EXOC4: variants seen among roughly 807,000 people sequenced by gnomAD.
EXOC4 encodes the protein exocyst complex component 4.
A neutral mutation model predicts 107.2 loss-of-function variants in EXOC4; 71 were observed. That is an observed-to-expected ratio of 0.66 (90% CI 0.55 to 0.81). EXOC4 has a LOEUF of 0.81. Among genes scored for constraint, EXOC4 ranks in the 30% least tolerant of loss-of-function variants. EXOC4 has a pLI of 0.00. For synonymous variants in EXOC4, 456 were observed against 441.2 expected (o/e 1.03, Z -0.42); for missense variants, 1,108 against 1,189.6 (o/e 0.93, Z 1.01).
chr7:133,606,344 C>T (rs1801945109), intron 9 of EXOC4, among the ~76,000 whole-genome samples: 1 of 151,906 alleles, frequency 6.6e-6, no homozygotes, highest in South Asian at 2.1e-4. Context: ...TCTCTGTTTC[C>T]TTCCAGTGTG....
intron 9 of EXOC4, among the ~76,000 whole-genome samples, chr7:133,527,229 C>A (rs529715047): frequency 6.6e-6 from 1 of 151,956 alleles, no homozygotes; most frequent in South Asian, 2.1e-4. Flanking sequence ...CATGGTGAAA[C>A]CCTGTCTCTA....
At chr7:133,415,980 A>T (rs1174979315) in intron 7 of EXOC4, among the ~76,000 whole-genome samples, 3 of 152,160 alleles carry the variant, frequency 2.0e-5, no homozygotes, top group Non-Finnish European at 2.9e-5. Context: ...ATTAGTACAG[A>T]TACTAAGGAA....
At chr7:133,501,891 G>GT (rs1372291073) in intron 9 of EXOC4, among the ~76,000 whole-genome samples, 1 of 152,126 alleles carries the variant, frequency 6.6e-6, no homozygotes, top group Non-Finnish European at 1.5e-5. Flanking sequence ...CTCTGCGTGT[G>GT]TTTTTTCTGG....
At chr7:134,056,126 T>G (rs1795916279) in intron 17 of EXOC4, among the ~76,000 whole-genome samples, 1 of 152,224 alleles carries the variant, frequency 6.6e-6, no homozygotes, top group African/African-American at 2.4e-5. Context: ...TGTAGCTTTG[T>G]GGTCACTAAA....
intron 9 of EXOC4, among the ~76,000 whole-genome samples, chr7:133,611,035 C>G (rs553090261): frequency 6.8e-6 from 1 of 148,030 alleles, no homozygotes; most frequent in South Asian, 2.1e-4. Flanking sequence ...AACTCCCGGG[C>G]TCAAATGATC....
chr7:133,682,646 C>T (rs1193617820), intron 10 of EXOC4, among the ~76,000 whole-genome samples: 1 of 152,160 alleles, frequency 6.6e-6, no homozygotes, highest in Non-Finnish European at 1.5e-5. Flanking sequence ...CTCAGATAAG[C>T]GTGGATGGCA....
chr7:133,823,865 A>AT (rs1563014745), intron 11 of EXOC4, among the ~76,000 whole-genome samples: 13 of 14,888 alleles, frequency 8.7e-4, no homozygotes, highest in Admixed American at 1.3e-3. Flanking sequence ...ATATATATAT[A>AT]TATATATTAT....
intron 10 of EXOC4, among the ~76,000 whole-genome samples, chr7:133,715,804 T>G (rs1035120845): frequency 6.6e-6 from 1 of 152,140 alleles, no homozygotes; most frequent in Non-Finnish European, 1.5e-5. Flanking sequence ...AGGGTACCAG[T>G]GCCCTTTCAC....
chr7:133,480,290 C>A, intron 9 of EXOC4, 152 bp downstream of exon 9: 1 of 1,467,378 alleles, frequency 6.8e-7, no homozygotes, highest in Non-Finnish European at 9.0e-7. Context: ...TTCCCAGCAT[C>A]TGCTGCCAAG....
intron 10 of EXOC4, among the ~76,000 whole-genome samples, chr7:133,769,172 A>G (rs998705707): frequency 6.6e-6 from 1 of 152,044 alleles, no homozygotes; most frequent in African/African-American, 2.4e-5. Flanking sequence ...GTCATTTACA[A>G]ATAAGTTGGT....
chr7:133,917,474 A>C, intron 12 of EXOC4, 109 bp from the exon 13 acceptor site: 1 of 1,067,552 alleles, frequency 9.4e-7, no homozygotes, highest in African/African-American at 1.6e-5. Context: ...ATTATGTTCA[A>C]AGGAGAGATG....
intron 1 of EXOC4, among the ~76,000 whole-genome samples, chr7:133,262,083 C>A (rs1285948763): frequency 6.6e-6 from 1 of 152,090 alleles, no homozygotes; most frequent in African/African-American, 2.4e-5. Context: ...CTTTGTTAGT[C>A]CCTGTTGTTT....
intron 9 of EXOC4, among the ~76,000 whole-genome samples, chr7:133,538,841 A>C (rs1028357218): frequency 3.2e-5 from 3 of 94,524 alleles, no homozygotes; most frequent in Non-Finnish European, 6.8e-5. Flanking sequence ...TTGAAAGAAA[A>C]AGAAAGAAAG....
intron 14 of EXOC4, among the ~76,000 whole-genome samples, chr7:133,948,441 T>C (rs970494439): frequency 2.6e-5 from 4 of 152,168 alleles, no homozygotes; most frequent in African/African-American, 9.7e-5. Context: ...GGAAGGACTC[T>C]CCATTACTTG....
At chr7:133,371,779 A>G (rs886742916) in intron 6 of EXOC4, among the ~76,000 whole-genome samples, 7 of 152,166 alleles carry the variant, frequency 4.6e-5, no homozygotes, top group Non-Finnish European at 1.0e-4. Context: ...TCCATATGGT[A>G]ACTATGTTTA....
At chr7:133,878,833 C>T (rs1440620750) in intron 11 of EXOC4, among the ~76,000 whole-genome samples, 1 of 152,122 alleles carries the variant, frequency 6.6e-6, no homozygotes, top group Non-Finnish European at 1.5e-5. Flanking sequence ...AAGTGATTCT[C>T]CTGCGTCAGT....
chr7:133,501,717 G>A (rs547919289), intron 9 of EXOC4, among the ~76,000 whole-genome samples: 24 of 152,236 alleles, frequency 1.6e-4, no homozygotes, highest in Non-Finnish European at 3.2e-4. Flanking sequence ...TCTGATGCAT[G>A]ACCTCTTTGA....
chr7:133,448,289 C>T (rs1798263466), intron 7 of EXOC4, among the ~76,000 whole-genome samples: 1 of 151,928 alleles, frequency 6.6e-6, no homozygotes, highest in East Asian at 1.9e-4. Context: ...CTAATTTTTA[C>T]TCATTCTTCA....
intron 6 of EXOC4, among the ~76,000 whole-genome samples, chr7:133,369,836 C>T (rs1286558751): frequency 1.7e-4 from 12 of 70,446 alleles, no homozygotes; most frequent in South Asian, 5.6e-4. Context: ...GACGGAGTTT[C>T]GCTCTTATTG....
Sources: allele counts gnomAD v4.1 joint callset (sites outside exome capture counted in the v4.1 genomes callset), GRCh38; gene constraint gnomAD v4.1.1; transcripts MANE v1.5; gene names NCBI Gene and HGNC (gene_info 2026-07-23, HGNC 2026-07-21).